Variants in SLC15A2 observed in about 807,000 individuals in gnomAD.
SLC15A2 encodes solute carrier family 15 member 2, also known as kidney H(+)/peptide cotransporter.
A neutral mutation model predicts 95.5 loss-of-function variants in SLC15A2; 77 were observed. The observed-to-expected ratio is 0.81, with a 90% CI of 0.67 to 0.97. The LOEUF (loss-of-function observed/expected upper bound fraction) is 0.97, where lower values mean the gene tolerates loss of function less well. Among genes scored for constraint, SLC15A2 ranks in the 50% least tolerant of loss-of-function variants. SLC15A2 has a pLI of 0.00. For synonymous variants in SLC15A2, 306 were observed against 306.9 expected (o/e 1.00, Z 0.03); for missense variants, 893 against 874.4 (o/e 1.02, Z -0.27).
chr3:121,906,165 T>G (rs1709638011), intron 3 of SLC15A2, among the ~76,000 whole-genome samples: 1 of 152,222 alleles, frequency 6.6e-6, no homozygotes, highest in Admixed American at 6.5e-5. Flanking sequence ...AGACTAGGAT[T>G]GCAACCCCTG....
At position 121,904,578 on chromosome 3, in the gene SLC15A2, C is replaced by T. The variant is rs543800513; in HGVS notation, c.336-6996C>T. 1.1e-3 allele frequency among the ~76,000 whole-genome samples: 160 copies of T among 152,200 alleles called. 1 individual carries two copies. The highest frequency in any genetic ancestry group is 1.7e-3 in the Non-Finnish European group (115 of 68,012). On this transcript the variant is annotated intron_variant, in intron 3 of 21. Transcript: ENST00000489711. ...AGCATGAAGGGCTGTTGATTTTTGT[C>T]GAAGGCCTTTTCTGCATCTATTGAG...
chr3:121,922,683 A>C, intron 8 of SLC15A2, 92 bp from the exon 9 acceptor site: 1 of 784,250 alleles, frequency 1.3e-6, no homozygotes, highest in East Asian at 2.7e-5. Context: ...AGTCACTAGA[A>C]GTATGGTGTT....
intron 2 of SLC15A2, among the ~76,000 whole-genome samples, chr3:121,896,722 G>C (rs1709420012): frequency 6.6e-6 from 1 of 151,880 alleles, no homozygotes; most frequent in South Asian, 2.1e-4. Flanking sequence ...CATAGACTTT[G>C]AGAATGGGTA....
At chr3:121,915,880 A>C (rs567678733) in intron 7 of SLC15A2, among the ~76,000 whole-genome samples, 187 bp downstream of exon 7, 1 of 152,292 alleles carries the variant, frequency 6.6e-6, no homozygotes, top group South Asian at 2.1e-4. Flanking sequence ...CTTTAAGAAA[A>C]AAGTGCCTAA....
At chr3:121,901,234 G>T (rs1017769981) in intron 3 of SLC15A2, among the ~76,000 whole-genome samples, 3 of 152,042 alleles carry the variant, frequency 2.0e-5, no homozygotes, top group South Asian at 2.1e-4. Flanking sequence ...GGCCAGGCTG[G>T]TCTCGAACTC....
chr3:121,915,316 A>C lies in SLC15A2; in HGVS notation c.618A>C (p.Arg206Ser). 1 of 1,582,980 alleles carries C rather than the reference A, an allele frequency of 6.3e-7. No individual in the cohort carries two copies. The highest frequency in any genetic ancestry group is 8.6e-7 in the Non-Finnish European group (1 of 1,165,664). Residue 206 changes from arginine to serine, a missense_variant and splice_region_variant, in exon 6 of 22, where the codon AGA becomes AGC. Transcript: ENST00000489711. ...LISTFITPML[R>S]GDVQCFGEDC... ...CTACATTTATCACACCCATGCTGAGAGGTTAGGATTTTTTTGAGGGGCCCT... is the reference window on the plus strand; with the variant it reads ...CTACATTTATCACACCCATGCTGAGCGGTTAGGATTTTTTTGAGGGGCCCT...
Position 121,941,276 on chromosome 3 carries a change from A to G in SLC15A2, c.*269A>G. Reference sequence around the variant, plus strand: ...GGTGTCTCCAAATGACCATGAAAATACACACGTATAATGGAGATCATTCTC... The same window carrying G: ...GGTGTCTCCAAATGACCATGAAAATGCACACGTATAATGGAGATCATTCTC... On this transcript the variant is annotated 3_prime_UTR_variant, in exon 22 of 22. Transcript: ENST00000489711. The G allele has an allele frequency of 3.2e-6, 1 of 309,342 alleles. No homozygotes were observed. Among genetic ancestry groups the G allele is most frequent in the Non-Finnish European group, 5.9e-6 (1 of 169,450 alleles). 19.2% of individuals were successfully genotyped at this position (309,342 alleles called of 1,614,324 possible).
At chr3:121,904,166 T>C (rs1709582209) in intron 3 of SLC15A2, among the ~76,000 whole-genome samples, 1 of 152,218 alleles carries the variant, frequency 6.6e-6, no homozygotes, top group South Asian at 2.1e-4. Flanking sequence ...GTTATTGGTG[T>C]ATAAGAATGC....
At chr3:121,930,526 C>T (rs1390482464) in intron 17 of SLC15A2, among the ~76,000 whole-genome samples, 1 of 152,130 alleles carries the variant, frequency 6.6e-6, no homozygotes, top group Admixed American at 6.5e-5. Context: ...TGCACCTAAG[C>T]TGGATTAGTG....
intron 19 of SLC15A2, among the ~76,000 whole-genome samples, chr3:121,934,791 C>A (rs946537029): frequency 2.0e-5 from 3 of 152,102 alleles, no homozygotes; most frequent in Non-Finnish European, 2.9e-5. Flanking sequence ...CCAGAACTTC[C>A]AACACTATGT....
intron 5 of SLC15A2, among the ~76,000 whole-genome samples, chr3:121,914,097 A>G (rs1709829704): frequency 6.6e-6 from 1 of 151,920 alleles, no homozygotes; most frequent in Non-Finnish European, 1.5e-5. Flanking sequence ...TATACTCTTT[A>G]TCTGTCAAAG....
intron 19 of SLC15A2, among the ~76,000 whole-genome samples, chr3:121,937,054 GT>G (rs1710361796): frequency 2.0e-5 from 3 of 148,188 alleles, no homozygotes; most frequent in Admixed American, 6.8e-5. Context: ...GAAATTCTGG[GT>G]TGAAAATTCT....
chr3:121,905,105 C>T (rs891318755), intron 3 of SLC15A2, among the ~76,000 whole-genome samples: 6 of 152,142 alleles, frequency 3.9e-5, no homozygotes, highest in Non-Finnish European at 7.4e-5. Flanking sequence ...GAAATTTATC[C>T]ATTTCTTCTA....
At chr3:121,902,897 A>G (rs991099258) in intron 3 of SLC15A2, among the ~76,000 whole-genome samples, 1 of 152,186 alleles carries the variant, frequency 6.6e-6, no homozygotes, top group African/African-American at 2.4e-5. Context: ...GCTGGGTCAA[A>G]TGGCATTTCT....
In SLC15A2 at chr3:121,929,349, G is replaced by A. The variant is rs539838680; in HGVS notation, c.1553+1G>A. The stretch of plus-strand genomic sequence containing the variant: ...CAACCAATGGGATGACAACCGTGAG[G>A]TTTGAATGTCAATGAGATTCCAGGC... On this transcript the variant is annotated splice_donor_variant, in intron 17 of 21. Transcript: ENST00000489711. LOFTEE classifies it high-confidence loss of function. 6.2e-7 allele frequency: 1 copy of A among 1,613,764 alleles called. No homozygotes were observed. Among genetic ancestry groups the A allele is most frequent in the African/African-American group, 1.3e-5 (1 of 75,040 alleles).
At chr3:121,927,046 A>T (rs1247621877) in intron 13 of SLC15A2, among the ~76,000 whole-genome samples, 1 of 152,120 alleles carries the variant, frequency 6.6e-6, no homozygotes, top group African/African-American at 2.4e-5. Context: ...CTATACCCCC[A>T]TTTTATTTGG....
chr3:121,915,670 G>A lies in SLC15A2; in HGVS notation c.674G>A (p.Gly225Glu). The A allele has an allele frequency of 7.4e-6, 12 of 1,613,864 alleles. No homozygotes were observed. Among genetic ancestry groups the A allele is most frequent in the Non-Finnish European group, 1.0e-5 (12 of 1,179,782 alleles). ...DCYALAFGVP[G>E]LLMVIALVVF... The stretch of plus-strand genomic sequence containing the variant: ...TATGCATTGGCTTTTGGAGTTCCAG[G>A]ACTGCTCATGGTAATTGCACTTGGT... Residue 225 changes from glycine (G) to glutamate (E), a missense_variant, in exon 7 of 22, where the codon GGA becomes GAA. By Grantham distance (98) the Gly-to-Glu change is moderately conservative. Transcript: ENST00000489711.
chr3:121,897,052 C>T (rs1709431645), intron 2 of SLC15A2, among the ~76,000 whole-genome samples: 2 of 150,648 alleles, frequency 1.3e-5, no homozygotes, highest in Admixed American at 1.3e-4. Flanking sequence ...GATAAGAGGT[C>T]TTATCATCTT....
intron 15 of SLC15A2, 83 bp from the exon 16 acceptor site, chr3:121,928,899 C>A: frequency 6.8e-7 from 1 of 1,462,816 alleles, no homozygotes. Context: ...GATGAGGTCA[C>A]CTACCCTGAG....
Sources: gnomAD v4.1 joint callset for allele counts (sites outside exome capture counted in the v4.1 genomes callset) on GRCh38, gnomAD v4.1.1 for gene constraint, MANE v1.5 for transcripts, NCBI Gene and HGNC (gene_info 2026-07-23, HGNC 2026-07-21) for gene names.